RSRC1: variants seen among roughly 807,000 people sequenced by gnomAD.
RSRC1 encodes arginine and serine rich coiled-coil 1.
A neutral mutation model predicts 49.1 loss-of-function variants in RSRC1; 39 were observed. That is an observed-to-expected ratio of 0.79 (90% CI 0.61 to 1.04). The LOEUF (loss-of-function observed/expected upper bound fraction) is 1.04. RSRC1 is among the 50% of genes least tolerant of loss of function. RSRC1 has a pLI of 0.00. For synonymous variants in RSRC1, 143 were observed against 130.8 expected (o/e 1.09, Z -0.63); for missense variants, 388 against 402.4 (o/e 0.96, Z 0.31).
chr3:158,288,790 A>G (rs1386590885), intron 4 of RSRC1, among the ~76,000 whole-genome samples: 3 of 142,562 alleles, frequency 2.1e-5, no homozygotes, highest in African/African-American at 9.1e-5. Context: ...GAATAATGTC[A>G]AGAATAAAAA....
chr3:158,139,897 G>A (rs1157162471), intron 3 of RSRC1, among the ~76,000 whole-genome samples: 1 of 152,114 alleles, frequency 6.6e-6, no homozygotes, highest in African/African-American at 2.4e-5. Flanking sequence ...CTCCCAAAGT[G>A]CTTGGATTTA....
At chr3:158,339,557 C>CT (rs1376838945) in intron 5 of RSRC1, among the ~76,000 whole-genome samples, 2 of 152,146 alleles carry the variant, frequency 1.3e-5, no homozygotes, top group Non-Finnish European at 2.9e-5. Flanking sequence ...TTATCATTCC[C>CT]TTAAACATCC....
At chr3:158,188,541 G>T (rs1378762892) in intron 3 of RSRC1, among the ~76,000 whole-genome samples, 1 of 151,844 alleles carries the variant, frequency 6.6e-6, no homozygotes, top group Non-Finnish European at 1.5e-5. Flanking sequence ...CACACCTAAG[G>T]TTCCTTTATT....
At chr3:158,404,316 G>A (rs939336851) in intron 6 of RSRC1, among the ~76,000 whole-genome samples, 100 of 151,958 alleles carry the variant, frequency 6.6e-4, no homozygotes, top group African/African-American at 2.3e-3. Context: ...CACATCCATT[G>A]CTGACATTGT....
At chr3:158,243,615 A>C (rs1239219878) in intron 4 of RSRC1, among the ~76,000 whole-genome samples, 1 of 152,154 alleles carries the variant, frequency 6.6e-6, no homozygotes, top group Non-Finnish European at 1.5e-5. Flanking sequence ...AATAGCACTG[A>C]ATCTATAAAT....
At chr3:158,348,950 G>A (rs892107502) in intron 5 of RSRC1, among the ~76,000 whole-genome samples, 3 of 152,110 alleles carry the variant, frequency 2.0e-5, no homozygotes, top group Non-Finnish European at 4.4e-5. Context: ...CTGCATAGTA[G>A]TCCATAGTGT....
At chr3:158,283,362 A>G (rs1325471145) in intron 4 of RSRC1, among the ~76,000 whole-genome samples, 1 of 152,122 alleles carries the variant, frequency 6.6e-6, no homozygotes, top group African/African-American at 2.4e-5. Context: ...CATATAAACA[A>G]TTAGAATGAA....
chr3:158,514,664 G>A (rs757526134), intron 7 of RSRC1, among the ~76,000 whole-genome samples: 1 of 151,880 alleles, frequency 6.6e-6, no homozygotes, highest in Non-Finnish European at 1.5e-5. Context: ...TCAATTCCTC[G>A]GTATCCTTGT....
At chr3:158,217,304 T>G (rs1438961130) in intron 4 of RSRC1, among the ~76,000 whole-genome samples, 1 of 151,698 alleles carries the variant, frequency 6.6e-6, no homozygotes, top group Non-Finnish European at 1.5e-5. Flanking sequence ...TAGACTGGTA[T>G]GTGTGGGTTC....
At chr3:158,480,324 C>T (rs1282714892) in intron 7 of RSRC1, among the ~76,000 whole-genome samples, 1 of 151,828 alleles carries the variant, frequency 6.6e-6, no homozygotes, top group Admixed American at 6.6e-5. Context: ...TTCAGAAGCT[C>T]AACTAAGTGT....
intron 5 of RSRC1, among the ~76,000 whole-genome samples, chr3:158,318,633 CCT>C (rs1189256474): frequency 6.6e-6 from 1 of 152,166 alleles, no homozygotes; most frequent in Non-Finnish European, 1.5e-5. Flanking sequence ...CTTTTACCAT[CCT>C]CTGTCCCATA....
intron 6 of RSRC1, among the ~76,000 whole-genome samples, chr3:158,458,495 G>C (rs1336156987): frequency 6.6e-6 from 1 of 152,118 alleles, no homozygotes; most frequent in East Asian, 1.9e-4. Context: ...GAGGAAGTAG[G>C]ATGTCTATAA....
chr3:158,263,618 T>C (rs1287567654), intron 4 of RSRC1, among the ~76,000 whole-genome samples: 1 of 152,142 alleles, frequency 6.6e-6, no homozygotes, highest in Non-Finnish European at 1.5e-5. Flanking sequence ...ATTAAATGTT[T>C]GGTAAAACTT....
At chr3:158,372,116 TG>T (rs1169253872) in intron 6 of RSRC1, among the ~76,000 whole-genome samples, 3 of 151,800 alleles carry the variant, frequency 2.0e-5, no homozygotes, top group Non-Finnish European at 4.4e-5. Context: ...TCACAGTTTG[TG>T]GCATGTTTTC....
chr3:158,262,539 T>C (rs1724960721), intron 4 of RSRC1, among the ~76,000 whole-genome samples: 1 of 152,192 alleles, frequency 6.6e-6, no homozygotes, highest in Admixed American at 6.5e-5. Context: ...GTTTTGACTG[T>C]CTTAAGTTCT....
chr3:158,114,975 G>A (rs1046661960), intron 1 of RSRC1, among the ~76,000 whole-genome samples: 3 of 152,006 alleles, frequency 2.0e-5, no homozygotes, highest in South Asian at 4.2e-4. Flanking sequence ...CTTCCTATTC[G>A]AATACCCTTT....
intron 7 of RSRC1, among the ~76,000 whole-genome samples, chr3:158,464,246 T>A (rs1403632581): frequency 6.6e-6 from 1 of 152,158 alleles, no homozygotes; most frequent in African/African-American, 2.4e-5. Context: ...AGATTTTCTG[T>A]GTATTTTTAT....
At chr3:158,319,270 A>G (rs1359010078) in intron 5 of RSRC1, among the ~76,000 whole-genome samples, 1 of 151,954 alleles carries the variant, frequency 6.6e-6, no homozygotes, top group African/African-American at 2.4e-5. Flanking sequence ...ATGAAATCGG[A>G]TAGTTTAAGA....
At chr3:158,522,339 C>T (rs996120874) in intron 7 of RSRC1, among the ~76,000 whole-genome samples, 5 of 152,106 alleles carry the variant, frequency 3.3e-5, no homozygotes, top group Admixed American at 3.3e-4. Context: ...ACAGGTTTCA[C>T]TCTGTCATCC....
Sources: gnomAD v4.1 joint callset for allele counts (sites outside exome capture counted in the v4.1 genomes callset) on GRCh38, gnomAD v4.1.1 for gene constraint, MANE v1.5 for transcripts, NCBI Gene and HGNC (gene_info 2026-07-23, HGNC 2026-07-21) for gene names.